Variants in THSD7B observed in about 807,000 individuals in gnomAD.
THSD7B encodes thrombospondin type-1 domain-containing protein 7B.
A neutral mutation model predicts 213.6 loss-of-function variants in THSD7B; 138 were observed. The observed-to-expected ratio is 0.65, with a 90% CI of 0.56 to 0.74. The LOEUF is 0.74. THSD7B is among the 30% of genes least tolerant of loss of function. The probability of loss-of-function intolerance (pLI) is 0.00; values close to 1 mark genes in which losing one functional copy is unlikely to be tolerated. For synonymous variants in THSD7B, 742 were observed against 687.0 expected, an observed-to-expected ratio of 1.08 and a Z score of -1.25; for missense variants, 1,931 against 1,991.5, an observed-to-expected ratio of 0.97 and a Z score of 0.58.
chr2:137,064,494 A>G (rs773671752), intron 3 of THSD7B, among the ~76,000 whole-genome samples: 1 of 152,042 alleles, frequency 6.6e-6, no homozygotes, highest in Non-Finnish European at 1.5e-5. Flanking sequence ...TTTGCTGTAC[A>G]GAGGCTTTTT....
chr2:137,269,389 G>T (rs1682681531), intron 10 of THSD7B, among the ~76,000 whole-genome samples: 1 of 152,200 alleles, frequency 6.6e-6, no homozygotes, highest in African/African-American at 2.4e-5. Flanking sequence ...TATGTGTATG[G>T]TGTGTGCACG....
chr2:137,377,935 C>T (rs1458040382), intron 12 of THSD7B, among the ~76,000 whole-genome samples: 2 of 152,236 alleles, frequency 1.3e-5, no homozygotes, highest in African/African-American at 2.4e-5. Context: ...AAAATTCACC[C>T]TTTAAAGTGT....
In THSD7B at chr2:137,493,512, T is replaced by A. The variant is rs6736520; in HGVS notation, c.3138+42489T>A. 2.1e-3 allele frequency among the ~76,000 whole-genome samples: 324 copies of A among 152,270 alleles called. 1 individual carries two copies. Among genetic ancestry groups the A allele is most frequent in the African/African-American group, 7.1e-3 (294 of 41,562 alleles). ...CTTCTTACTTTACACACTCGTACGG[T>A]GACACAAGAGAGGGCACTCATGGCG... On this transcript the variant is annotated intron_variant, in intron 15 of 27. Transcript: ENST00000409968.
At chr2:137,302,035 C>T (rs866899585) in intron 12 of THSD7B, among the ~76,000 whole-genome samples, 58 of 151,966 alleles carry the variant, frequency 3.8e-4, no homozygotes, top group African/African-American at 1.2e-3. Flanking sequence ...GTGACTTGGA[C>T]CAGAGTGCTG....
chr2:137,457,897 CT>C (rs1270963008), intron 15 of THSD7B, among the ~76,000 whole-genome samples: 2 of 152,168 alleles, frequency 1.3e-5, no homozygotes, highest in Non-Finnish European at 2.9e-5. Context: ...GGTCAAGACA[CT>C]TCTGTAAGCG....
intron 5 of THSD7B, among the ~76,000 whole-genome samples, chr2:137,159,380 A>T (rs1679968160): frequency 1.3e-5 from 2 of 152,032 alleles, no homozygotes; most frequent in Admixed American, 1.3e-4. Context: ...GTGAGCTATG[A>T]TGGTACCACT....
intron 15 of THSD7B, among the ~76,000 whole-genome samples, chr2:137,552,471 CT>C (rs1202588437): frequency 1.3e-5 from 2 of 151,972 alleles, no homozygotes; most frequent in African/African-American, 4.8e-5. Context: ...TATTTTTTTC[CT>C]TTTTTTCCTG....
chr2:137,378,656 G>C (rs769079287), intron 12 of THSD7B, among the ~76,000 whole-genome samples: 4 of 152,072 alleles, frequency 2.6e-5, no homozygotes, highest in African/African-American at 9.7e-5. Context: ...GCTCATTCTT[G>C]AAAGTCTTCA....
intron 2 of THSD7B, among the ~76,000 whole-genome samples, chr2:136,923,587 G>T (rs1237151088): frequency 6.6e-6 from 1 of 152,058 alleles, no homozygotes; most frequent in African/African-American, 2.4e-5. Flanking sequence ...TCATACAAGG[G>T]TTCCAATTTC....
At chr2:136,993,917 G>T (rs538614158) in intron 2 of THSD7B, among the ~76,000 whole-genome samples, 1 of 152,214 alleles carries the variant, frequency 6.6e-6, no homozygotes, top group South Asian at 2.1e-4. Flanking sequence ...AAATATATAC[G>T]TGCATTTATA....
intron 17 of THSD7B, among the ~76,000 whole-genome samples, chr2:137,606,247 A>G (rs995822576): frequency 5.3e-5 from 8 of 152,174 alleles, no homozygotes; most frequent in Non-Finnish European, 5.9e-5. Context: ...ATGAAAGAAT[A>G]CATCCTGTAT....
chr2:136,775,665 TCTTGAAGAATATA>T (rs1681588060), intron 1 of THSD7B, among the ~76,000 whole-genome samples: 1 of 152,084 alleles, frequency 6.6e-6, no homozygotes, highest in South Asian at 2.1e-4. Flanking sequence ...TCCCAATAAC[TCTTGAAGAATATA>T]GTGTTAAGCA....
At chr2:137,046,501 G>GGGCAGATCGCCTGAGGTC (rs1686972235) in intron 2 of THSD7B, among the ~76,000 whole-genome samples, 1 of 152,018 alleles carries the variant, frequency 6.6e-6, no homozygotes, top group African/African-American at 2.4e-5. Flanking sequence ...AAGGCGAGGT[G>GGGCAGATCGCCTGAGGTC]GGCAGATCGC....
chr2:136,882,444 T>A (rs1573686978), intron 2 of THSD7B, 127 bp downstream of exon 2: 3 of 677,770 alleles, frequency 4.4e-6, no homozygotes, highest in East Asian at 8.0e-5. Flanking sequence ...CTCTTTTTTT[T>A]AAATTCTGCA....
intron 14 of THSD7B, among the ~76,000 whole-genome samples, chr2:137,432,212 G>A (rs1687201588): frequency 6.6e-6 from 1 of 152,082 alleles, no homozygotes; most frequent in Non-Finnish European, 1.5e-5. Context: ...CCAACGTGGT[G>A]AAACCCCGTT....
intron 2 of THSD7B, among the ~76,000 whole-genome samples, chr2:137,039,707 A>G (rs566283022): frequency 2.0e-4 from 31 of 152,338 alleles, no homozygotes; most frequent in African/African-American, 7.2e-4. Flanking sequence ...GTCCTGCTGA[A>G]GGTCACACAG....
At chr2:137,513,530 TTTA>T (rs1680010139) in intron 15 of THSD7B, among the ~76,000 whole-genome samples, 1 of 152,232 alleles carries the variant, frequency 6.6e-6, no homozygotes, top group East Asian at 1.9e-4. Flanking sequence ...TTATATGCAT[TTTA>T]TAATTTGAAG....
chr2:137,648,665 G>C (rs1292223587), intron 21 of THSD7B, among the ~76,000 whole-genome samples: 1 of 152,086 alleles, frequency 6.6e-6, no homozygotes, highest in African/African-American at 2.4e-5. Context: ...TTTGACTATT[G>C]TGAATTGTGC....
chr2:137,273,908 C>T (rs1460961496), intron 11 of THSD7B, among the ~76,000 whole-genome samples: 1 of 152,032 alleles, frequency 6.6e-6, no homozygotes, highest in Non-Finnish European at 1.5e-5. Context: ...TTAGCCAAAT[C>T]AAATATTATT....
Sources: gnomAD v4.1 joint callset for allele counts (sites outside exome capture counted in the v4.1 genomes callset) on GRCh38, gnomAD v4.1.1 for gene constraint, MANE v1.5 for transcripts, NCBI Gene and HGNC (gene_info 2026-07-23, HGNC 2026-07-21) for gene names.